MICALL1: variants seen among roughly 807,000 people sequenced by gnomAD.
MICALL1 encodes the protein MICAL-like protein 1.
Under a neutral mutation model 83.7 loss-of-function variants are expected in MICALL1, and 61 were observed. The observed-to-expected ratio is 0.73, with a 90% CI of 0.59 to 0.90. MICALL1 has a LOEUF of 0.90. Ranked by LOEUF, MICALL1 falls within the 40% of genes least tolerant of loss-of-function variation. The probability of loss-of-function intolerance (pLI) is 0.00; values close to 1 mark genes in which losing one functional copy is unlikely to be tolerated. For missense variants in MICALL1, 1,066 were observed against 1,152.0 expected (o/e 0.93, Z 1.08); for synonymous variants, 481 against 473.6 (o/e 1.02, Z -0.20).
rs540014846 is a variant in MICALL1 at position 37,932,477 on chromosome 22, A to G, written c.2017-76A>G. 4.0e-5 allele frequency: 64 copies of G among 1,583,614 alleles called. No individual in the cohort carries two copies. The highest frequency in any genetic ancestry group is 3.6e-4 in the South Asian group (31 of 86,734). The stretch of plus-strand genomic sequence containing the variant: ...CGGGCCCTGGAGCCACCAGTGGCCA[A>G]TGCTGGCCAGAGAAGAGGGCAAGGC... On this transcript the variant is annotated intron_variant, in intron 10 of 15. Transcript: ENST00000215957. This position sits in a 1 kb window ranked among gnomAD's most constrained non-coding sequence, Gnocchi z 4.4.
At chr22:37,918,965 G>C in intron 4 of MICALL1, 71 bp from the exon 5 acceptor site, 1 of 1,443,842 alleles carries the variant, frequency 6.9e-7, no homozygotes, top group Non-Finnish European at 9.2e-7. Flanking sequence ...GGGAGGGAGA[G>C]GGCAGTGATG....
chr22:37,931,063 G>T (rs1220194531), intron 9 of MICALL1, among the ~76,000 whole-genome samples: 1 of 152,228 alleles, frequency 6.6e-6, no homozygotes, highest in Non-Finnish European at 1.5e-5. Flanking sequence ...TGCCACATGG[G>T]CAAGGTTCTA....
chr22:37,917,937 A>G (rs1361011249), intron 4 of MICALL1, 142 bp downstream of exon 4: 3 of 734,088 alleles, frequency 4.1e-6, no homozygotes, highest in East Asian at 3.0e-5. Flanking sequence ...TCCCTGCCCT[A>G]TTGGCTTTGG....
At position 37,911,944 on chromosome 22, in the gene MICALL1, T is replaced by A; in HGVS notation, c.147-8T>A. ...CTTGACCAACCCTCCTCCCTTTGCC[T>A]CTTGCAGAGATTTTGATTCGCTTTC... is the stretch of plus-strand genomic sequence containing the variant. On this transcript the variant is annotated splice_polypyrimidine_tract_variant and splice_region_variant and intron_variant, in intron 1 of 15. Coordinates refer to ENST00000215957, the MANE Select transcript of MICALL1 (RefSeq NM_033386.4). 1.2e-6 allele frequency: 2 copies of A among 1,614,038 alleles called. No homozygotes were observed. Among genetic ancestry groups the A allele is most frequent in the Non-Finnish European group, 1.7e-6 (2 of 1,179,936 alleles).
chr22:37,926,032 C>G lies in MICALL1; in HGVS notation c.1454C>G (p.Ala485Gly). 6.2e-7 allele frequency: 1 copy of G among 1,600,846 alleles called. No homozygotes were observed. The highest frequency in any genetic ancestry group is 8.5e-7 in the Non-Finnish European group (1 of 1,172,180). ...KKRPAPRAPSASPLALHASRL... is the reference protein window; with the variant it reads ...KKRPAPRAPSGSPLALHASRL... Reference sequence around the variant, plus strand: ...CGCCCTGCCCCGCGCGCACCCAGCGCGTCCCCACTGGGTGAGTGCCTTTCC... The same window carrying G: ...CGCCCTGCCCCGCGCGCACCCAGCGGGTCCCCACTGGGTGAGTGCCTTTCC... Residue 485 changes from alanine to glycine, a missense_variant, in exon 8 of 16, where the codon GCG becomes GGG. By Grantham distance (60) the Ala-to-Gly change is moderately conservative. Coordinates refer to ENST00000215957, the MANE Select transcript of MICALL1 (RefSeq NM_033386.4).
chr22:37,938,184 A>G (rs528152868), intron 15 of MICALL1, among the ~76,000 whole-genome samples: 1 of 152,058 alleles, frequency 6.6e-6, no homozygotes, highest in South Asian at 2.1e-4. Flanking sequence ...TTAAAAGAGT[A>G]CTGGACAGGA....
rs200081420 is a variant in MICALL1, at chr22:37,924,651, C to T, written c.1025-9C>T. The T allele has an allele frequency of 6.2e-7, 1 of 1,609,468 alleles. No individual in the cohort carries two copies. The highest frequency in any genetic ancestry group is 2.2e-5 in the East Asian group (1 of 44,476). ...ATGAAGGCCTGGCTCACTCTCCTTT[C>T]CCATCTAGGGAGACTGCACGAACTG... On this transcript the variant is annotated splice_polypyrimidine_tract_variant and intron_variant, in intron 6 of 15. Coordinates refer to ENST00000215957, the MANE Select transcript of MICALL1 (RefSeq NM_033386.4). The surrounding 1 kb of genome is among the most constrained non-coding windows in gnomAD (Gnocchi z 5.2).
At chr22:37,909,970 G>T (rs1325092306) in intron 1 of MICALL1, among the ~76,000 whole-genome samples, 1 of 152,218 alleles carries the variant, frequency 6.6e-6, no homozygotes, top group Admixed American at 6.5e-5. Context: ...GCTCTGCTGG[G>T]ACGAGGGTTG....
intron 6 of MICALL1, among the ~76,000 whole-genome samples, chr22:37,922,678 C>T (rs182328481): frequency 1.5e-5 from 2 of 133,858 alleles, no homozygotes; most frequent in Non-Finnish European, 1.5e-5. Context: ...GGCTTGACCT[C>T]GGCTCACTGC....
chr22:37,933,694 C>A (rs1929928301), intron 13 of MICALL1, among the ~76,000 whole-genome samples: 1 of 152,322 alleles, frequency 6.6e-6, no homozygotes, highest in African/African-American at 2.4e-5. Context: ...CAGTGAACCG[C>A]AGCTGCAGGC....
Position 37,924,860 on chromosome 22 carries a change from C to G in MICALL1, c.1082+143C>G. On this transcript the variant is annotated intron_variant, in intron 7 of 15. Coordinates refer to ENST00000215957, the MANE Select transcript of MICALL1 (RefSeq NM_033386.4). The surrounding 1 kb of genome is among the most constrained non-coding windows in gnomAD (Gnocchi z 5.2). The stretch of plus-strand genomic sequence containing the variant: ...GGGGAAGGAGAGCTGGGCCCACACC[C>G]CTTCTCCTGAGGCTCACCCCGGGAT... The G allele has an allele frequency of 1.3e-6, 1 of 744,662 alleles. No homozygotes were observed. Among genetic ancestry groups the G allele is most frequent in the Non-Finnish European group, 2.1e-6 (1 of 472,412 alleles). 46.1% of individuals were successfully genotyped at this position (744,662 alleles called of 1,614,324 possible).
At chr22:37,931,708 G>T in intron 9 of MICALL1, 91 bp from the exon 10 acceptor site, 1 of 1,528,198 alleles carries the variant, frequency 6.5e-7, no homozygotes. Flanking sequence ...TGGAGTGCTG[G>T]CCTGCTTTCC....
At chr22:37,917,565 C>T (rs1025639104) in intron 3 of MICALL1, 142 bp from the exon 4 acceptor site, 42 of 692,920 alleles carry the variant, frequency 6.1e-5, no homozygotes, top group African/African-American at 3.0e-4. Flanking sequence ...CCGTGTGAAG[C>T]GGGAGCCAGC....
intron 5 of MICALL1, among the ~76,000 whole-genome samples, chr22:37,919,668 A>C (rs1380836890): frequency 1.3e-5 from 2 of 151,188 alleles, no homozygotes; most frequent in African/African-American, 4.9e-5. Context: ...CCATTGAAAA[A>C]ATAAAATGAA....
intron 3 of MICALL1, among the ~76,000 whole-genome samples, chr22:37,915,222 A>G (rs537516021): frequency 6.6e-6 from 1 of 152,330 alleles, no homozygotes; most frequent in South Asian, 2.1e-4. Flanking sequence ...AGTGCACTGC[A>G]GCCTGGGCAA....
chr22:37,926,057 C>T lies in MICALL1; in HGVS notation c.1465+14C>T, dbSNP rs766710049. On this transcript the variant is annotated intron_variant, in intron 8 of 15. Transcript: ENST00000215957. ...CGTCCCCACTGGGTGAGTGCCTTTCCTGGAGCTCTCCTGACAGTCGGAACT... is the reference window on the plus strand; with the variant it reads ...CGTCCCCACTGGGTGAGTGCCTTTCTTGGAGCTCTCCTGACAGTCGGAACT... 6.3e-7 allele frequency: 1 copy of T among 1,574,898 alleles called. No individual in the cohort carries two copies. Among genetic ancestry groups the T allele is most frequent in the Admixed American group, 1.8e-5 (1 of 56,054 alleles).
At chr22:37,911,358 T>A (rs1485887102) in intron 1 of MICALL1, among the ~76,000 whole-genome samples, 15 of 152,202 alleles carry the variant, frequency 9.9e-5, no homozygotes, top group Non-Finnish European at 1.9e-4. Flanking sequence ...CGGGTTGGGA[T>A]GCAGCAAGTT....
In MICALL1 at chr22:37,937,090, G is replaced by C; in HGVS notation, c.2319G>C (p.Trp773Cys). The C allele has an allele frequency of 6.4e-7, 1 of 1,551,632 alleles. No individual in the cohort carries two copies. The highest frequency in any genetic ancestry group is 8.7e-7 in the Non-Finnish European group (1 of 1,146,962). The stretch of plus-strand genomic sequence containing the variant: ...TTTCTCCCTGGGCAGAAAAGGACTG[G>C]ACGGAGGAGGACCGGGCCCGGGAGA... ...RCLLNKPEKDWTEEDRAREKV... is the reference protein window; with the variant it reads ...RCLLNKPEKDCTEEDRAREKV... Residue 773 changes from tryptophan (W) to cysteine (C), a missense_variant, in exon 14 of 16, where the codon TGG becomes TGC. Trp to Cys is a radical substitution (Grantham distance 215). Coordinates refer to ENST00000215957, the MANE Select transcript of MICALL1 (RefSeq NM_033386.4).
chr22:37,928,450 C>T (rs1452993258), intron 9 of MICALL1, among the ~76,000 whole-genome samples: 1 of 152,256 alleles, frequency 6.6e-6, no homozygotes, highest in East Asian at 1.9e-4. Context: ...TCACGATCCA[C>T]CCGCCTTGGC....
Sources: gnomAD v4.1 joint callset for allele counts (sites outside exome capture counted in the v4.1 genomes callset) on GRCh38, gnomAD v4.1.1 for gene constraint, Gnocchi (gnomAD v3.1) non-coding constraint, MANE v1.5 for transcripts, NCBI Gene and HGNC (gene_info 2026-07-23, HGNC 2026-07-21) for gene names.